Variants in PARD3 observed in about 807,000 individuals in gnomAD.
The protein encoded by PARD3 is partitioning defective 3 homolog.
A neutral mutation model predicts 155.4 loss-of-function variants in PARD3; 75 were observed. That is an observed-to-expected ratio of 0.48 (90% CI 0.40 to 0.58). The LOEUF is 0.58. Among genes scored for constraint, PARD3 ranks in the 20% least tolerant of loss-of-function variants. PARD3 has a pLI of 0.00. For missense variants in PARD3, 1,642 were observed against 1,721.7 expected (o/e 0.95, Z 0.82); for synonymous variants, 576 against 610.5 (o/e 0.94, Z 0.83).
chr10:34,691,506 T>C (rs986234298), intron 2 of PARD3, among the ~76,000 whole-genome samples: 1 of 152,220 alleles, frequency 6.6e-6, no homozygotes, highest in Non-Finnish European at 1.5e-5. Flanking sequence ...ATTGTTAAAA[T>C]GGCCACACTG....
At chr10:34,701,597 A>C (rs1265188421) in intron 1 of PARD3, among the ~76,000 whole-genome samples, 1 of 152,128 alleles carries the variant, frequency 6.6e-6, no homozygotes, top group East Asian at 1.9e-4. Flanking sequence ...AGAACACCGG[A>C]ACAAGGATGG....
chr10:34,663,420 CGCACCAT>C (rs1291602458), intron 2 of PARD3, among the ~76,000 whole-genome samples: 1 of 151,694 alleles, frequency 6.6e-6, no homozygotes, highest in African/African-American at 2.4e-5. Context: ...GAGAGGAGAT[CGCACCAT>C]TGCACTCCAG....
At chr10:34,524,488 T>C (rs567984642) in intron 2 of PARD3, among the ~76,000 whole-genome samples, 1 of 152,332 alleles carries the variant, frequency 6.6e-6, no homozygotes, top group African/African-American at 2.4e-5. Flanking sequence ...TATCACCCAC[T>C]GAGCCTTCAG....
intron 1 of PARD3, among the ~76,000 whole-genome samples, chr10:34,802,212 G>C (rs1466633883): frequency 6.6e-6 from 1 of 151,896 alleles, no homozygotes; most frequent in Non-Finnish European, 1.5e-5. Flanking sequence ...AAACTGTTGG[G>C]TGATCTTTAT....
intron 20 of PARD3, among the ~76,000 whole-genome samples, chr10:34,295,331 A>G (rs577454697): frequency 9.2e-5 from 14 of 152,324 alleles, no homozygotes; most frequent in Middle Eastern, 3.4e-3. Context: ...AAACCTCCAC[A>G]TTCTTCCTTA....
chr10:34,136,549 G>C (rs1033707120), intron 22 of PARD3, among the ~76,000 whole-genome samples: 1 of 152,044 alleles, frequency 6.6e-6, no homozygotes, highest in Non-Finnish European at 1.5e-5. Context: ...CCATAGCAGG[G>C]GGGAGAAAAG....
chr10:34,129,097 C>T (rs905020367), intron 23 of PARD3, among the ~76,000 whole-genome samples: 1 of 152,162 alleles, frequency 6.6e-6, no homozygotes, highest in Non-Finnish European at 1.5e-5. Flanking sequence ...CATTTAGCTT[C>T]TTCTTAAACT....
At chr10:34,752,193 T>C (rs1836124824) in intron 1 of PARD3, among the ~76,000 whole-genome samples, 1 of 151,906 alleles carries the variant, frequency 6.6e-6, no homozygotes, top group South Asian at 2.1e-4. Context: ...AACTGTCACA[T>C]ACTGGTGGGT....
rs1199413841 is a variant in PARD3 at position 34,378,024 on chromosome 10, G to A, written c.1482C>T (p.Leu494=). 1.9e-6 allele frequency: 3 copies of A among 1,589,280 alleles called. No individual in the cohort carries two copies. The highest frequency in any genetic ancestry group is 1.8e-5 in the Admixed American group (1 of 55,394). Residue 494 remains leucine (L), a synonymous_variant, in exon 10 of 25, where the codon CTC becomes CTT. Coordinates refer to ENST00000374788, the MANE Select transcript of PARD3 (RefSeq NM_001184785.2). ...CATCCTGAATGGCCGCCCCCCGGGG[G>A]AGAATGTTTTTCACATAGATTGGAG... ...GSAPIYVKNI[L]PRGAAIQDGR...
At chr10:34,310,449 G>T (rs983128120) in intron 20 of PARD3, among the ~76,000 whole-genome samples, 3 of 152,148 alleles carry the variant, frequency 2.0e-5, no homozygotes, top group Non-Finnish European at 4.4e-5. Context: ...TTGCGAAAAG[G>T]TTTGCTTTAG....
chr10:34,436,956 G>T (rs751530893), intron 5 of PARD3, among the ~76,000 whole-genome samples: 10 of 152,194 alleles, frequency 6.6e-5, no homozygotes, highest in Non-Finnish European at 1.2e-4. Flanking sequence ...TGAATACGGG[G>T]AGGAGAGCTA....
chr10:34,735,605 T>C (rs2094898704), intron 1 of PARD3, among the ~76,000 whole-genome samples: 1 of 152,114 alleles, frequency 6.6e-6, no homozygotes, highest in African/African-American at 2.4e-5. Context: ...AATATCAAAA[T>C]GGGCTAACCT....
chr10:34,203,800 C>G (rs1166107837), intron 22 of PARD3, among the ~76,000 whole-genome samples: 3 of 152,140 alleles, frequency 2.0e-5, no homozygotes, highest in Non-Finnish European at 4.4e-5. Context: ...ATCCACACAC[C>G]TGAGTTCTAT....
intron 22 of PARD3, among the ~76,000 whole-genome samples, chr10:34,224,765 G>C (rs1314586525): frequency 6.6e-6 from 1 of 152,192 alleles, no homozygotes; most frequent in African/African-American, 2.4e-5. Context: ...GCTGTCATCT[G>C]AGGGTTTCCA....
At chr10:34,776,809 C>T (rs1341596224) in intron 1 of PARD3, among the ~76,000 whole-genome samples, 1 of 119,496 alleles carries the variant, frequency 8.4e-6, no homozygotes, top group East Asian at 2.4e-4. Context: ...AGACTATTTC[C>T]AAGTATTTTC....
At chr10:34,791,843 TAAA>T (rs748001249) in intron 1 of PARD3, among the ~76,000 whole-genome samples, 5 of 139,782 alleles carry the variant, frequency 3.6e-5, no homozygotes, top group Admixed American at 7.1e-5. Context: ...CTGCCTCGTT[TAAA>T]AAAAAAAAAA....
chr10:34,436,094 C>T (rs545025308), intron 5 of PARD3, among the ~76,000 whole-genome samples: 66 of 152,194 alleles, frequency 4.3e-4, no homozygotes, highest in Non-Finnish European at 8.8e-4. Context: ...GAAAAGAATA[C>T]ACAAGTTATG....
rs574770468 is a variant in PARD3 at position 34,743,610 on chromosome 10, G to A, written c.121-47191C>T. 1.4e-4 allele frequency among the ~76,000 whole-genome samples: 22 copies of A among 152,204 alleles called. No homozygotes were observed. In the South Asian group the frequency reaches 3.3e-3, roughly 23 times the overall value. ...CAAACACAAGTAACCAAACTCTCCC[G>A]TATCTAAAAATCTGCTTTCTCGAGC... On this transcript the variant is annotated intron_variant, in intron 1 of 24. Transcript: ENST00000374788.
chr10:34,592,797 T>C (rs1001025647), intron 2 of PARD3, among the ~76,000 whole-genome samples: 1 of 152,188 alleles, frequency 6.6e-6, no homozygotes, highest in East Asian at 1.9e-4. Flanking sequence ...ATAATAATCA[T>C]GCATATTTCA....
Sources: gnomAD v4.1 joint callset for allele counts (sites outside exome capture counted in the v4.1 genomes callset) on GRCh38, gnomAD v4.1.1 for gene constraint, MANE v1.5 for transcripts, NCBI Gene and HGNC (gene_info 2026-07-23, HGNC 2026-07-21) for gene names.